DCAF6: variants seen among roughly 807,000 people sequenced by gnomAD.
DCAF6 encodes DDB1 and CUL4 associated factor 6.
In DCAF6, 54 loss-of-function variants were observed where a neutral mutation model predicts 125.1. The observed-to-expected ratio is 0.43, with a 90% CI of 0.35 to 0.54. DCAF6 has a LOEUF of 0.54. Among genes scored for constraint, DCAF6 ranks in the 20% least tolerant of loss-of-function variants. The pLI, the probability that DCAF6 is intolerant of heterozygous loss-of-function variation, is 0.01. For missense variants in DCAF6, 934 were observed against 1,161.7 expected (o/e 0.80, Z 2.85); for synonymous variants, 371 against 390.4 (o/e 0.95, Z 0.58).
intron 1 of DCAF6, 25 bp downstream of exon 1, chr1:167,937,033 G>A (rs575553925): frequency 1.3e-5 from 21 of 1,586,656 alleles, no homozygotes; most frequent in Non-Finnish European, 1.8e-5. Context: ...CGGGGCGGAG[G>A]CGCTGAGGTC....
At chr1:167,880,476 A>C in the DCAF6 span, 1 of 1,584,182 alleles carries the variant, frequency 6.3e-7, no homozygotes, top group South Asian at 1.1e-5. Context: ...GGGTGGGACC[A>C]GGGTCAATAC....
At chr1:167,975,289 G>A (rs1458307831) in intron 4 of DCAF6, among the ~76,000 whole-genome samples, 3 of 152,162 alleles carry the variant, frequency 2.0e-5, no homozygotes, top group African/African-American at 4.8e-5. Context: ...GCAAACAGAC[G>A]TTTACCTTTA....
intron 10 of DCAF6, among the ~76,000 whole-genome samples, chr1:168,009,296 C>A (rs1052103822): frequency 1.3e-5 from 2 of 151,744 alleles, no homozygotes; most frequent in African/African-American, 4.8e-5. Flanking sequence ...CTGTGCCCTG[C>A]CATTTTCTTT....
intron 12 of DCAF6, 152 bp from the exon 13 acceptor site, chr1:168,038,219 C>T: frequency 1.7e-6 from 1 of 583,488 alleles, no homozygotes; most frequent in Non-Finnish European, 3.0e-6. Flanking sequence ...ATTTCCACAA[C>T]ACATGCCTTC....
At chr1:167,964,682 C>T (rs1406062239) in intron 2 of DCAF6, among the ~76,000 whole-genome samples, 1 of 151,996 alleles carries the variant, frequency 6.6e-6, no homozygotes, top group Admixed American at 6.5e-5. Flanking sequence ...TGAGTTATGC[C>T]TTTTGTAGTT....
intron 1 of DCAF6, among the ~76,000 whole-genome samples, chr1:167,943,550 A>G (rs1672588866): frequency 6.6e-6 from 1 of 152,190 alleles, no homozygotes; most frequent in South Asian, 2.1e-4. Flanking sequence ...ATTTATGGGT[A>G]CATATGCAGT....
chr1:167,954,840 A>G (rs371304934), intron 2 of DCAF6, among the ~76,000 whole-genome samples: 1 of 152,250 alleles, frequency 6.6e-6, no homozygotes, highest in Non-Finnish European at 1.5e-5. Flanking sequence ...ACATGTAAAC[A>G]TACACAAAGT....
intron 20 of DCAF6, 112 bp downstream of exon 20, chr1:168,066,577 T>A (rs1692360088): frequency 1.5e-6 from 1 of 664,972 alleles, no homozygotes; most frequent in Non-Finnish European, 2.5e-6. Flanking sequence ...TTAATGCAGT[T>A]AAGGAGGTCA....
chr1:168,002,082 T>C (rs879822172), intron 7 of DCAF6, among the ~76,000 whole-genome samples: 3 of 152,130 alleles, frequency 2.0e-5, no homozygotes, highest in Non-Finnish European at 4.4e-5. Context: ...TAATGATGGT[T>C]CCCATTGTTA....
intron 7 of DCAF6, among the ~76,000 whole-genome samples, chr1:168,000,303 TAATG>T (rs1286741358): frequency 1.3e-5 from 2 of 152,094 alleles, no homozygotes; most frequent in Non-Finnish European, 2.9e-5. Context: ...GGTAGGATAA[TAATG>T]AATAAGTTTG....
At chr1:168,059,999 G>T (rs932403909) in intron 17 of DCAF6, among the ~76,000 whole-genome samples, 6 of 151,992 alleles carry the variant, frequency 3.9e-5, no homozygotes, top group African/African-American at 1.5e-4. Flanking sequence ...CTGTGAGCAG[G>T]TTTTGCATAT....
At chr1:167,883,614 CTGTT>C in the DCAF6 span, 1 of 1,614,212 alleles carries the variant, frequency 6.2e-7, no homozygotes, top group South Asian at 1.1e-5. Context: ...AGCCCTGAAG[CTGTT>C]TGTTATCAAT....
At chr1:168,020,080 A>G (rs888223979) in intron 11 of DCAF6, 3 of 152,274 alleles carry the variant, frequency 2.0e-5, no homozygotes, top group Non-Finnish European at 4.4e-5. Flanking sequence ...TTGTACCATT[A>G]TTTTTCATTC....
In DCAF6 at chr1:168,063,746, A is replaced by G; in HGVS notation, c.2426A>G (p.Asn809Ser). The change falls in exon 18 of 22, where the codon AAC becomes AGC. Residue 809 changes from asparagine to serine, a missense_variant. Coordinates refer to ENST00000367840, the MANE Select transcript of DCAF6 (RefSeq NM_001198956.2). Reference sequence around the variant, plus strand: ...AAAATGGTTTATAAAGGCCATCGCAACTCCAGGACAATGGTACCAAATGTT... The same window carrying G: ...AAAATGGTTTATAAAGGCCATCGCAGCTCCAGGACAATGGTACCAAATGTT... Reference protein sequence around the residue: ...LVKMVYKGHRNSRTMIKEANF... With the variant: ...LVKMVYKGHRSSRTMIKEANF... The G allele has an allele frequency of 6.2e-7, 1 of 1,603,938 alleles. No individual in the cohort carries two copies. The highest frequency in any genetic ancestry group is 8.5e-7 in the Non-Finnish European group (1 of 1,176,554).
intron 13 of DCAF6, chr1:168,042,743 T>G (rs1688692662): frequency 1.3e-5 from 3 of 231,246 alleles, no homozygotes; most frequent in Non-Finnish European, 8.5e-6. Context: ...CACTTAAAAT[T>G]CAATAGAGAG....
chr1:167,917,018 T>C, the DCAF6 span: 3 of 152,226 alleles, frequency 2.0e-5, no homozygotes, highest in East Asian at 1.9e-4. Flanking sequence ...TCATAGGTTA[T>C]AGTATTACTC....
intron 1 of DCAF6, among the ~76,000 whole-genome samples, chr1:167,947,332 G>A (rs1212279596): frequency 2.7e-5 from 4 of 148,718 alleles, no homozygotes; most frequent in Non-Finnish European, 5.9e-5. Context: ...TCATTTCATT[G>A]ACCTTTTGTG....
chr1:168,040,791 G>A (rs1196625484), intron 13 of DCAF6, among the ~76,000 whole-genome samples: 1 of 144,930 alleles, frequency 6.9e-6, no homozygotes, highest in African/African-American at 2.5e-5. Flanking sequence ...TCTAAAAACT[G>A]ACCATGAATT....
upstream of DCAF6, chr1:167,936,373 G>A (rs1364305341): frequency 2.3e-5 from 4 of 177,630 alleles, no homozygotes; most frequent in Non-Finnish European, 3.6e-5. Context: ...AGATGATGCC[G>A]CACAATTCTC....
Sources: allele counts gnomAD v4.1 joint callset (sites outside exome capture counted in the v4.1 genomes callset), GRCh38; gene constraint gnomAD v4.1.1; transcripts MANE v1.5; gene names NCBI Gene and HGNC (gene_info 2026-07-23, HGNC 2026-07-21).